STK32A: variants seen among roughly 807,000 people sequenced by gnomAD.
STK32A encodes the protein serine/threonine-protein kinase 32A.
A neutral mutation model predicts 53.2 loss-of-function variants in STK32A; 41 were observed. The ratio of observed to expected loss-of-function variants is 0.77; its 90% CI spans 0.60 to 1.00. The LOEUF (loss-of-function observed/expected upper bound fraction) is 1.00, where lower values mean the gene tolerates loss of function less well. Ranked by LOEUF, STK32A falls within the 50% of genes least tolerant of loss-of-function variation. The pLI is 0.00. For synonymous variants in STK32A, 166 were observed against 162.8 expected (o/e 1.02, Z -0.15); for missense variants, 458 against 485.8 (o/e 0.94, Z 0.54).
At chr5:147,340,055 G>T (rs1581114263) in intron 5 of STK32A, among the ~76,000 whole-genome samples, 1 of 152,180 alleles carries the variant, frequency 6.6e-6, no homozygotes. Flanking sequence ...CGTTGCCAAG[G>T]CATTTGTAAA....
chr5:147,270,448 A>C (rs1444409464), intron 2 of STK32A, among the ~76,000 whole-genome samples: 1 of 152,130 alleles, frequency 6.6e-6, no homozygotes, highest in Non-Finnish European at 1.5e-5. Context: ...TCCTGGGCTC[A>C]AGTGATTCTC....
At chr5:147,318,849 G>T (rs1215737702) in intron 4 of STK32A, among the ~76,000 whole-genome samples, 4 of 151,678 alleles carry the variant, frequency 2.6e-5, no homozygotes, top group African/African-American at 9.7e-5. Context: ...CTCAAAAAGA[G>T]GCTTCACCAA....
the STK32A span, chr5:147,399,379 G>A: frequency 5.4e-6 from 6 of 1,119,010 alleles, no homozygotes; most frequent in Admixed American, 1.1e-4. Context: ...TGAAAAGCTG[G>A]TGAGCTACAG....
intron 2 of STK32A, among the ~76,000 whole-genome samples, chr5:147,265,904 G>A (rs1754788750): frequency 6.6e-6 from 1 of 152,128 alleles, no homozygotes; most frequent in South Asian, 2.1e-4. Flanking sequence ...CAGCAGAAGA[G>A]CTCTCTTTTT....
intron 4 of STK32A, among the ~76,000 whole-genome samples, chr5:147,312,681 TTGA>T (rs1265495665): frequency 6.6e-6 from 1 of 152,176 alleles, no homozygotes; most frequent in Non-Finnish European, 1.5e-5. Context: ...TCTTGGTCTA[TTGA>T]TGAGTTTTTC....
intron 6 of STK32A, among the ~76,000 whole-genome samples, chr5:147,349,677 CCTT>C (rs1000525229): frequency 1.3e-5 from 2 of 152,086 alleles, no homozygotes; most frequent in South Asian, 2.1e-4. Context: ...TTAGTCTACT[CCTT>C]CTTTTTTTAT....
intron 4 of STK32A, among the ~76,000 whole-genome samples, chr5:147,286,664 G>C (rs1336245391): frequency 6.6e-6 from 1 of 152,088 alleles, no homozygotes; most frequent in Non-Finnish European, 1.5e-5. Context: ...GCAAGCATTT[G>C]TCAAATTCTC....
rs535996577 is a variant in STK32A, at chr5:147,346,894, C to T, written c.472+3851C>T. Among the ~76,000 whole-genome samples, 18 of 152,240 alleles carry T rather than the reference C, an allele frequency of 1.2e-4. No homozygotes were observed. The East Asian group carries it at 2.5e-3, about 21-fold the overall frequency. On this transcript the variant is annotated intron_variant, in intron 6 of 12. Coordinates refer to ENST00000397936, the MANE Select transcript of STK32A (RefSeq NM_001112724.2). ...ACAAGGAATAGAGGCAAAAACTCAGCGTAGGAGGTGAGAAAAAACTGAGGC... is the reference window on the plus strand; with the variant it reads ...ACAAGGAATAGAGGCAAAAACTCAGTGTAGGAGGTGAGAAAAAACTGAGGC...
intron 2 of STK32A, among the ~76,000 whole-genome samples, chr5:147,249,976 T>C (rs1753915995): frequency 6.7e-6 from 1 of 148,376 alleles, no homozygotes; most frequent in African/African-American, 2.5e-5. Flanking sequence ...GTATCTGGAC[T>C]CACAGTGTGG....
chr5:147,397,794 C>T, the STK32A span: 1 of 1,613,996 alleles, frequency 6.2e-7, no homozygotes, highest in Non-Finnish European at 8.5e-7. Context: ...CAGATGACAA[C>T]CAGAGGAGCC....
At chr5:147,238,085 T>C (rs182917181) in intron 1 of STK32A, among the ~76,000 whole-genome samples, 1 of 152,386 alleles carries the variant, frequency 6.6e-6, no homozygotes, top group East Asian at 1.9e-4. Context: ...TCATTATATG[T>C]ATCCATGACC....
chr5:147,395,085 G>C, the STK32A span, among the ~76,000 whole-genome samples: 2 of 152,190 alleles, frequency 1.3e-5, no homozygotes, highest in Non-Finnish European at 1.5e-5. Flanking sequence ...GTGGTAGCTA[G>C]TGTTAGCATT....
chr5:147,363,329 G>C (rs773181437), intron 8 of STK32A, among the ~76,000 whole-genome samples: 2 of 140,176 alleles, frequency 1.4e-5, no homozygotes, highest in Non-Finnish European at 3.0e-5. Context: ...GATCTACACA[G>C]GCATGGGAGC....
At chr5:147,340,818 G>A (rs895588357) in intron 5 of STK32A, among the ~76,000 whole-genome samples, 10 of 152,000 alleles carry the variant, frequency 6.6e-5, no homozygotes, top group Admixed American at 2.0e-4. Flanking sequence ...TCTCCATCCC[G>A]AGGGAACTAT....
At chr5:147,340,222 C>T (rs1406269173) in intron 5 of STK32A, among the ~76,000 whole-genome samples, 3 of 152,120 alleles carry the variant, frequency 2.0e-5, no homozygotes. Context: ...GTCTTTGTGA[C>T]CTGTACCTTG....
intron 4 of STK32A, among the ~76,000 whole-genome samples, chr5:147,299,486 C>T (rs994904238): frequency 6.6e-6 from 1 of 152,162 alleles, no homozygotes; most frequent in Non-Finnish European, 1.5e-5. Context: ...TTACCCAGCT[C>T]CTATTTAAGA....
chr5:147,371,095 G>A (rs993717586), intron 9 of STK32A, among the ~76,000 whole-genome samples: 4 of 152,048 alleles, frequency 2.6e-5, no homozygotes, highest in Admixed American at 1.3e-4. Context: ...TGTCATCTGC[G>A]TATTCAATTC....
At chr5:147,245,424 C>G (rs1412643731) in intron 2 of STK32A, among the ~76,000 whole-genome samples, 2 of 152,196 alleles carry the variant, frequency 1.3e-5, no homozygotes, top group Admixed American at 1.3e-4. Context: ...TTTAAAAAAT[C>G]TACTTTATTT....
intron 2 of STK32A, among the ~76,000 whole-genome samples, chr5:147,251,954 A>G (rs1754018727): frequency 6.6e-6 from 1 of 152,168 alleles, no homozygotes; most frequent in East Asian, 1.9e-4. Context: ...TCTAATCCCA[A>G]CACTTTGGGA....
Sources: gnomAD v4.1 joint callset for allele counts (sites outside exome capture counted in the v4.1 genomes callset) on GRCh38, gnomAD v4.1.1 for gene constraint, MANE v1.5 for transcripts, NCBI Gene and HGNC (gene_info 2026-07-23, HGNC 2026-07-21) for gene names.